Variants in LRPPRC observed in about 807,000 individuals in gnomAD.
LRPPRC encodes leucine rich pentatricopeptide repeat containing.
A neutral mutation model predicts 180.3 loss-of-function variants in LRPPRC; 120 were observed. The ratio of observed to expected loss-of-function variants is 0.67; its 90% CI spans 0.57 to 0.77. LRPPRC has a LOEUF of 0.77. LRPPRC is among the 30% of genes least tolerant of loss of function. The probability of loss-of-function intolerance (pLI) is 0.00; values close to 1 mark genes in which losing one functional copy is unlikely to be tolerated. For missense variants in LRPPRC, 2,012 were observed against 1,657.2 expected, an observed-to-expected ratio of 1.21 and a Z score of -3.72; for synonymous variants, 723 against 600.0, an observed-to-expected ratio of 1.21 and a Z score of -3.00.
At chr2:43,939,116 CAAAAA>C (rs34124728) in intron 23 of LRPPRC, among the ~76,000 whole-genome samples, 1 of 128,220 alleles carries the variant, frequency 7.8e-6, no homozygotes, top group Non-Finnish European at 1.7e-5. Context: ...ACTAAAAATA[CAAAAA>C]AAAAAAAAAA....
At chr2:43,969,054 C>A (rs1673682956) in intron 11 of LRPPRC, among the ~76,000 whole-genome samples, 1 of 152,158 alleles carries the variant, frequency 6.6e-6, no homozygotes, top group Non-Finnish European at 1.5e-5. Context: ...TAAAGAAAGT[C>A]AATGAATCTT....
At chr2:43,891,329 T>C (rs1477451209) in intron 36 of LRPPRC, among the ~76,000 whole-genome samples, 1 of 152,256 alleles carries the variant, frequency 6.6e-6, no homozygotes, top group East Asian at 1.9e-4. Flanking sequence ...ATTACAGGCA[T>C]ACCTTGGCTT....
intron 37 of LRPPRC, 42 bp downstream of exon 37, chr2:43,889,692 A>C: frequency 1.4e-6 from 2 of 1,467,114 alleles, no homozygotes; most frequent in Non-Finnish European, 9.5e-7. Context: ...GTGCACATAA[A>C]TCTGCAGAGG....
intron 29 of LRPPRC, among the ~76,000 whole-genome samples, chr2:43,917,337 C>G (rs1558934618): frequency 6.6e-6 from 1 of 151,998 alleles, no homozygotes. Context: ...GTGTGAGCCA[C>G]AATGCCCGGC....
intron 14 of LRPPRC, among the ~76,000 whole-genome samples, chr2:43,954,967 C>T (rs1366723853): frequency 6.6e-6 from 1 of 152,278 alleles, no homozygotes; most frequent in Non-Finnish European, 1.5e-5. Context: ...ACACCTCTTA[C>T]AGGTCTCTGC....
At chr2:43,989,546 T>A (rs1386550892) in intron 1 of LRPPRC, among the ~76,000 whole-genome samples, 1 of 152,242 alleles carries the variant, frequency 6.6e-6, no homozygotes, top group Non-Finnish European at 1.5e-5. Flanking sequence ...TATGTTTACT[T>A]ACCTGTGAAA....
At chr2:43,961,680 G>T (rs1341892035) in intron 12 of LRPPRC, among the ~76,000 whole-genome samples, 2 of 152,172 alleles carry the variant, frequency 1.3e-5, no homozygotes, top group Non-Finnish European at 2.9e-5. Context: ...GCATTATCAG[G>T]TAGGGCGCAG....
At chr2:43,942,730 T>C (rs2105075401) in intron 23 of LRPPRC, among the ~76,000 whole-genome samples, 1 of 152,140 alleles carries the variant, frequency 6.6e-6, no homozygotes, top group Non-Finnish European at 1.5e-5. Context: ...ATTTTTCTCC[T>C]GGCATCAACA....
Position 43,888,398 on chromosome 2 carries a change from C to A in LRPPRC, c.*202G>T. The A allele has an allele frequency of 2.0e-6, 1 of 505,200 alleles. No individual in the cohort carries two copies. Among genetic ancestry groups the A allele is most frequent in the South Asian group, 2.1e-5 (1 of 46,608 alleles). 31.3% of individuals were successfully genotyped at this position (505,200 alleles called of 1,614,324 possible). A position where few individuals can be genotyped will look rare whatever the true frequency, so the allele number is the denominator to read the frequency against. ...GCAGCAGCATTGAAGAAAACACTAT[C>A]GATTTTTCCCAGAGAAAAAAACTCC... On this transcript the variant is annotated 3_prime_UTR_variant, in exon 38 of 38. Transcript: ENST00000260665.
chr2:43,945,025 G>A (rs893252661), intron 22 of LRPPRC, among the ~76,000 whole-genome samples: 1 of 152,034 alleles, frequency 6.6e-6, no homozygotes, highest in African/African-American at 2.4e-5. Context: ...AGCCATTAGT[G>A]CAGGCACATA....
chr2:43,989,798 G>C (rs774769705), intron 1 of LRPPRC, among the ~76,000 whole-genome samples: 1 of 152,190 alleles, frequency 6.6e-6, no homozygotes, highest in South Asian at 2.1e-4. Flanking sequence ...ACGGTATCTG[G>C]AGTTGAATCT....
chr2:43,937,534 C>T (rs1433517091), intron 23 of LRPPRC, among the ~76,000 whole-genome samples: 2 of 152,068 alleles, frequency 1.3e-5, no homozygotes, highest in Non-Finnish European at 2.9e-5. Context: ...TTTAAAAGCA[C>T]CTAAAATTTG....
At chr2:43,942,012 G>C (rs1672499707) in intron 23 of LRPPRC, among the ~76,000 whole-genome samples, 1 of 151,982 alleles carries the variant, frequency 6.6e-6, no homozygotes, top group Admixed American at 6.6e-5. Flanking sequence ...AGAAATATCT[G>C]ACTTCAGGAT....
At chr2:43,905,600 A>G in intron 31 of LRPPRC, 92 bp downstream of exon 31, 2 of 909,948 alleles carry the variant, frequency 2.2e-6, no homozygotes, top group Non-Finnish European at 3.7e-6. Context: ...TAATTTGCTA[A>G]ATGGACTCCT....
At chr2:43,957,984 C>T (rs1205702603) in intron 13 of LRPPRC, among the ~76,000 whole-genome samples, 10 of 152,152 alleles carry the variant, frequency 6.6e-5, no homozygotes, top group Admixed American at 6.5e-4. Flanking sequence ...ATAGGTCATA[C>T]GTCCGTTATG....
intron 34 of LRPPRC, among the ~76,000 whole-genome samples, chr2:43,897,508 C>T (rs956527151): frequency 1.3e-5 from 2 of 152,100 alleles, no homozygotes; most frequent in African/African-American, 4.8e-5. Flanking sequence ...ATTTACATTA[C>T]GCACTGATGT....
chr2:43,894,673 A>T (rs1363498383), intron 35 of LRPPRC, 44 bp from the exon 36 acceptor site: 1 of 923,220 alleles, frequency 1.1e-6, no homozygotes, highest in Non-Finnish European at 1.8e-6. Context: ...CCGCAAATTA[A>T]CAGTGAATTA....
At chr2:43,935,212 G>C (rs1672233992) in intron 23 of LRPPRC, among the ~76,000 whole-genome samples, 1 of 152,188 alleles carries the variant, frequency 6.6e-6, no homozygotes, top group Non-Finnish European at 1.5e-5. Flanking sequence ...GAAAGTTGCT[G>C]TAAGAATGTA....
At chr2:43,983,163 G>A (rs991810386) in intron 1 of LRPPRC, among the ~76,000 whole-genome samples, 3 of 152,060 alleles carry the variant, frequency 2.0e-5, no homozygotes, top group African/African-American at 4.8e-5. Flanking sequence ...TACAAATTAG[G>A]TATGGTCAGA....
Sources: allele counts gnomAD v4.1 joint callset (sites outside exome capture counted in the v4.1 genomes callset), GRCh38; gene constraint gnomAD v4.1.1; transcripts MANE v1.5; gene names NCBI Gene and HGNC (gene_info 2026-07-23, HGNC 2026-07-21).